PRKCE: variants seen among roughly 807,000 people sequenced by gnomAD.
PRKCE encodes the protein protein kinase C epsilon type.
In PRKCE, 16 loss-of-function variants were observed where a neutral mutation model predicts 85.4. The ratio of observed to expected loss-of-function variants is 0.19; its 90% CI spans 0.13 to 0.28. PRKCE has a LOEUF of 0.28. Among genes scored for constraint, PRKCE ranks in the 10% least tolerant of loss-of-function variants. The pLI, the probability that PRKCE is intolerant of heterozygous loss-of-function variation, is 1.00. For missense variants in PRKCE, 573 were observed against 975.2 expected, an observed-to-expected ratio of 0.59 and a Z score of 5.49; for synonymous variants, 388 against 371.5, an observed-to-expected ratio of 1.04 and a Z score of -0.51.
chr2:46,154,223 T>C (rs1189835646), intron 13 of PRKCE, among the ~76,000 whole-genome samples: 1 of 152,120 alleles, frequency 6.6e-6, no homozygotes, highest in Non-Finnish European at 1.5e-5. Flanking sequence ...GAGCGTGGTC[T>C]GGAGGGTGCC....
chr2:46,092,782 G>C (rs1670300961), intron 11 of PRKCE, among the ~76,000 whole-genome samples: 2 of 152,122 alleles, frequency 1.3e-5, no homozygotes, highest in Non-Finnish European at 2.9e-5. Flanking sequence ...TTTTAGTCCT[G>C]CCATCCTGCT....
chr2:45,681,230 A>G (rs1363332860), intron 1 of PRKCE, among the ~76,000 whole-genome samples: 1 of 131,228 alleles, frequency 7.6e-6, no homozygotes, highest in Non-Finnish European at 1.6e-5. Flanking sequence ...CAGAGGTTGC[A>G]GTGAGCCGAG....
intron 2 of PRKCE, among the ~76,000 whole-genome samples, chr2:45,884,934 G>A (rs1695134285): frequency 7.3e-6 from 1 of 137,356 alleles, no homozygotes; most frequent in African/African-American, 2.8e-5. Context: ...TAAGCTGCGT[G>A]TGATCTGTTA....
intron 10 of PRKCE, among the ~76,000 whole-genome samples, chr2:46,061,932 C>G (rs751469142): frequency 1.4e-5 from 2 of 145,088 alleles, no homozygotes; most frequent in Non-Finnish European, 3.0e-5. Context: ...TCTCGGCTCA[C>G]TACAACCTCC....
At chr2:45,998,550 T>C (rs1704404616) in intron 6 of PRKCE, among the ~76,000 whole-genome samples, 1 of 152,194 alleles carries the variant, frequency 6.6e-6, no homozygotes, top group African/African-American at 2.4e-5. Context: ...GTCTTTAAGG[T>C]GGGTTTCTTG....
intron 10 of PRKCE, among the ~76,000 whole-genome samples, chr2:46,058,197 G>A (rs527486842): frequency 2.7e-4 from 41 of 152,334 alleles, no homozygotes; most frequent in Non-Finnish European, 4.6e-4. Context: ...AAGGCTGCAC[G>A]GAGGACTGAG....
chr2:46,164,741 A>G (rs1478578861), intron 14 of PRKCE: 1 of 152,364 alleles, frequency 6.6e-6, no homozygotes, highest in African/African-American at 2.4e-5. Flanking sequence ...CACTCTCACT[A>G]CAAGGACAGA....
rs542105081 is a variant in PRKCE, at chr2:45,948,714, G to T, written c.413-27715G>T. On this transcript the variant is annotated intron_variant, in intron 2 of 14. Transcript: ENST00000306156. Reference sequence around the variant, plus strand: ...GTCAGTTCAAGTCTCCTTGTTGGGGGATTCCTGCTCTTTCTGTCTGCCCAG... The same window carrying T: ...GTCAGTTCAAGTCTCCTTGTTGGGGTATTCCTGCTCTTTCTGTCTGCCCAG... Among the ~76,000 whole-genome samples the T allele has an allele frequency of 3.2e-4, 48 of 152,242 alleles. No homozygotes were observed. The South Asian group carries it at 9.1e-3, about 29-fold the overall frequency.
At chr2:46,046,463 G>A (rs1345090291) in intron 10 of PRKCE, among the ~76,000 whole-genome samples, 3 of 152,238 alleles carry the variant, frequency 2.0e-5, no homozygotes, top group Non-Finnish European at 4.4e-5. Flanking sequence ...CTGGGCTGAG[G>A]CCCAGGTGAT....
chr2:45,824,273 C>T (rs1689766583), intron 1 of PRKCE, among the ~76,000 whole-genome samples: 1 of 152,218 alleles, frequency 6.6e-6, no homozygotes, highest in African/African-American at 2.4e-5. Context: ...CCTTTGAAGT[C>T]AGGGCAAACA....
chr2:46,123,234 TTTTTTTTTTG>T (rs1673510127), intron 11 of PRKCE, among the ~76,000 whole-genome samples: 1 of 136,448 alleles, frequency 7.3e-6, no homozygotes, highest in Non-Finnish European at 1.6e-5. Flanking sequence ...TTTTTTTTTT[TTTTTTTTTTG>T]GTCTACACAC....
intron 2 of PRKCE, among the ~76,000 whole-genome samples, chr2:45,886,887 C>A (rs1205648153): frequency 4.6e-5 from 7 of 152,182 alleles, no homozygotes; most frequent in Admixed American, 4.6e-4. Flanking sequence ...AAATGTCATT[C>A]TTCACTAGAA....
chr2:45,881,728 A>G (rs974868488), intron 2 of PRKCE, among the ~76,000 whole-genome samples: 1 of 152,222 alleles, frequency 6.6e-6, no homozygotes, highest in Non-Finnish European at 1.5e-5. Flanking sequence ...TAAGTCACAC[A>G]ATATGAGGTA....
At chr2:45,998,979 C>A (rs1415850516) in intron 6 of PRKCE, among the ~76,000 whole-genome samples, 5 of 152,098 alleles carry the variant, frequency 3.3e-5, no homozygotes, top group Admixed American at 3.3e-4. Flanking sequence ...CTAATTCCTC[C>A]CTGCCATCCT....
chr2:46,005,227 C>G (rs1002336288), intron 8 of PRKCE, among the ~76,000 whole-genome samples: 1 of 152,308 alleles, frequency 6.6e-6, no homozygotes, highest in Middle Eastern at 3.4e-3. Flanking sequence ...CTCCTTCTGT[C>G]CGACTGTGCT....
chr2:45,909,175 G>A (rs1295274690), intron 2 of PRKCE, among the ~76,000 whole-genome samples: 3 of 152,030 alleles, frequency 2.0e-5, no homozygotes, highest in Non-Finnish European at 2.9e-5. Flanking sequence ...CCTTCAATTC[G>A]CAGATTATAT....
chr2:46,087,072 G>T (rs1464964051), intron 11 of PRKCE, among the ~76,000 whole-genome samples: 5 of 152,078 alleles, frequency 3.3e-5, no homozygotes, highest in African/African-American at 7.2e-5. Flanking sequence ...GGATACTCAA[G>T]TTCCTTAAGG....
intron 11 of PRKCE, among the ~76,000 whole-genome samples, chr2:46,116,774 G>A (rs913179556): frequency 6.6e-6 from 1 of 152,070 alleles, no homozygotes; most frequent in Admixed American, 6.5e-5. Context: ...TGAAGGTCTG[G>A]CTAGAGAAAT....
intron 2 of PRKCE, among the ~76,000 whole-genome samples, chr2:45,861,214 G>A (rs1056063087): frequency 3.3e-5 from 5 of 152,102 alleles, no homozygotes; most frequent in African/African-American, 7.2e-5. Context: ...AGGGGTAGGG[G>A]TGGGCTTGAG....
Sources: gnomAD v4.1 joint callset for allele counts (sites outside exome capture counted in the v4.1 genomes callset) on GRCh38, gnomAD v4.1.1 for gene constraint, MANE v1.5 for transcripts, NCBI Gene and HGNC (gene_info 2026-07-23, HGNC 2026-07-21) for gene names.